The following DNAH6 variants were observed in gnomAD, a reference collection of about 807,000 sequenced individuals.
The protein encoded by DNAH6 is dynein axonemal heavy chain 6, also known as axonemal beta dynein heavy chain 6.
DNAH6 carries 340 observed loss-of-function variants against 491.4 expected under a neutral mutation model. The observed-to-expected ratio is 0.69, with a 90% CI of 0.63 to 0.76. DNAH6 has a LOEUF of 0.76. Ranked by LOEUF, DNAH6 falls within the 30% of genes least tolerant of loss-of-function variation. The pLI is 0.00. For missense variants in DNAH6, 4,443 were observed against 4,972.2 expected (o/e 0.89, Z 3.20); for synonymous variants, 1,603 against 1,686.1 (o/e 0.95, Z 1.21).
At chr2:84,485,609 G>C in the DNAH6 span, among the ~76,000 whole-genome samples, 1 of 152,078 alleles carries the variant, frequency 6.6e-6, no homozygotes, top group Non-Finnish European at 1.5e-5. Flanking sequence ...ACTACGTGCT[G>C]CTGTAAACAT....
chr2:84,706,972 C>G lies in DNAH6; in HGVS notation c.8804C>G (p.Ala2935Gly). Residue 2935 changes from alanine to glycine, a missense_variant, in exon 53 of 77, where the codon GCC becomes GGC. Coordinates refer to ENST00000389394, the MANE Select transcript of DNAH6 (RefSeq NM_001370.2). ...AGACAAGTAGAAGATCAAATACAGGCCTTACAAGATGAATATGACAAAGGT... is the reference window on the plus strand; with the variant it reads ...AGACAAGTAGAAGATCAAATACAGGGCTTACAAGATGAATATGACAAAGGT... ...LLRQVEDQIQ[A>G]LQDEYDKGVN... The G allele has an allele frequency of 6.5e-7, 1 of 1,538,902 alleles. No homozygotes were observed. The highest frequency in any genetic ancestry group is 8.7e-7 in the Non-Finnish European group (1 of 1,144,354).
At chr2:84,731,692 A>G (rs531654598) in intron 61 of DNAH6, among the ~76,000 whole-genome samples, 3 of 152,344 alleles carry the variant, frequency 2.0e-5, no homozygotes, top group East Asian at 3.9e-4. Flanking sequence ...GTCTAAAACA[A>G]TAAAGTTTGT....
chr2:84,467,171 CACAAAACTT>C, the DNAH6 span, among the ~76,000 whole-genome samples: 1 of 152,296 alleles, frequency 6.6e-6, no homozygotes, highest in East Asian at 1.9e-4. Context: ...ATTAATGTTT[CACAAAACTT>C]TTACAACTTG....
intron 76 of DNAH6, among the ~76,000 whole-genome samples, chr2:84,818,083 T>C (rs1397305112): frequency 6.6e-6 from 1 of 152,052 alleles, no homozygotes; most frequent in Non-Finnish European, 1.5e-5. Flanking sequence ...ACCAACAAAC[T>C]AACATTATCT....
At chr2:84,765,667 A>C (rs1675009661) in intron 64 of DNAH6, among the ~76,000 whole-genome samples, 1 of 152,108 alleles carries the variant, frequency 6.6e-6, no homozygotes, top group South Asian at 2.1e-4. Flanking sequence ...AGGAATAAAG[A>C]AAATCAAAAA....
the DNAH6 span, among the ~76,000 whole-genome samples, chr2:84,506,853 G>C: frequency 6.6e-6 from 1 of 151,932 alleles, no homozygotes; most frequent in Non-Finnish European, 1.5e-5. Context: ...TTTTTCTCAG[G>C]TTTGTCAAAG....
chr2:84,533,123 C>T (rs1184276615), intron 4 of DNAH6, among the ~76,000 whole-genome samples: 1 of 152,086 alleles, frequency 6.6e-6, no homozygotes, highest in African/African-American at 2.4e-5. Flanking sequence ...AGTGTCTGAG[C>T]ACTTAGCTGT....
the DNAH6 span, among the ~76,000 whole-genome samples, chr2:84,499,024 C>A: frequency 3.5e-4 from 20 of 56,562 alleles, no homozygotes; most frequent in African/African-American, 1.4e-3. Context: ...GTATCCATCC[C>A]CTCAAGCATT....
intron 2 of DNAH6, among the ~76,000 whole-genome samples, chr2:84,519,580 C>T (rs1408163638): frequency 1.3e-5 from 2 of 151,324 alleles, no homozygotes; most frequent in East Asian, 3.9e-4. Flanking sequence ...CAACTGCCTT[C>T]TCCTCTCCCT....
chr2:84,807,048 C>T (rs764353292), intron 71 of DNAH6, among the ~76,000 whole-genome samples: 1 of 152,192 alleles, frequency 6.6e-6, no homozygotes, highest in Non-Finnish European at 1.5e-5. Flanking sequence ...AGGGTTTTCT[C>T]TCCAGGCTTC....
intron 30 of DNAH6, among the ~76,000 whole-genome samples, chr2:84,635,371 G>A (rs1474650223): frequency 6.6e-6 from 1 of 152,098 alleles, no homozygotes; most frequent in African/African-American, 2.4e-5. Flanking sequence ...AAGGTAATAG[G>A]TGAAAAGAAT....
At chr2:84,613,778 A>G (rs965041889) in intron 22 of DNAH6, among the ~76,000 whole-genome samples, 7 of 152,066 alleles carry the variant, frequency 4.6e-5, no homozygotes, top group Admixed American at 3.3e-4. Flanking sequence ...AATATGTTTC[A>G]TATCAAATAT....
At position 84,605,557 on chromosome 2, in the gene DNAH6, G is replaced by A. The variant is rs1281678501; in HGVS notation, c.3139G>A (p.Asp1047Asn). ...FVILPHRDSK[D>N]VFILGGTDDI... is the part of the protein sequence containing the mutation. ...CATTCTGCCTCACCGTGACTCCAAAGATGTGTTTATACTGGGCGGCACAGA... is the reference window on the plus strand; with the variant it reads ...CATTCTGCCTCACCGTGACTCCAAAAATGTGTTTATACTGGGCGGCACAGA... The change falls in exon 20 of 77, where the codon GAT becomes AAT. Residue 1047 changes from aspartate to asparagine, a missense_variant. Coordinates refer to ENST00000389394, the MANE Select transcript of DNAH6 (RefSeq NM_001370.2). 6.4e-7 allele frequency: 1 copy of A among 1,551,526 alleles called. No individual in the cohort carries two copies. The highest frequency in any genetic ancestry group is 8.7e-7 in the Non-Finnish European group (1 of 1,146,948).
chr2:84,692,818 G>A (rs1451763703), intron 45 of DNAH6, among the ~76,000 whole-genome samples: 2 of 152,116 alleles, frequency 1.3e-5, no homozygotes, highest in Non-Finnish European at 2.9e-5. Flanking sequence ...GCCATAACAT[G>A]GTATTTTTCT....
chr2:84,681,450 A>C lies in DNAH6; in HGVS notation c.6838A>C (p.Met2280Leu), dbSNP rs973518484. Residue 2280 changes from methionine (M) to leucine (L), a missense_variant, in exon 42 of 77, where the codon ATG becomes CTG. Around this residue, in one of 3 missense-constraint regions of DNAH6, gnomAD observed 2,977 missense variants for 3,296.6 expected, o/e 0.90. Coordinates refer to ENST00000389394, the MANE Select transcript of DNAH6 (RefSeq NM_001370.2). ...VEASVEIYNK[M>L]SVDLLPTPAK... ...AGCCTCAGTTGAGATTTATAACAAA[A>C]TGAGTGTTGACCTCCTGCCAACACC... is the stretch of plus-strand genomic sequence containing the variant. 1 of 1,551,490 alleles carries C rather than the reference A, an allele frequency of 6.4e-7. No individual in the cohort carries two copies. Among genetic ancestry groups the C allele is most frequent in the Non-Finnish European group, 8.7e-7 (1 of 1,146,888 alleles).
At chr2:84,509,076 T>C in the DNAH6 span, among the ~76,000 whole-genome samples, 25 of 152,358 alleles carry the variant, frequency 1.6e-4, no homozygotes, top group African/African-American at 5.3e-4. Context: ...TGTAGATGTC[T>C]ATTAGGTCCA....
rs1456507335 is a variant in DNAH6 at position 84,784,719 on chromosome 2, C to A, written c.10865-3C>A. 5 of 1,537,308 alleles carry A rather than the reference C, an allele frequency of 3.3e-6. No homozygotes were observed. In the South Asian group the frequency reaches 3.6e-5, roughly 11 times the overall value. On this transcript the variant is annotated splice_region_variant and splice_polypyrimidine_tract_variant and intron_variant, in intron 65 of 76. Transcript: ENST00000389394. Reference sequence around the variant, plus strand: ...TTTGTTGTTTTATCTTTGTTTTAAGCAGATAGTGCTATCAAGGACACTTTT... The same window carrying A: ...TTTGTTGTTTTATCTTTGTTTTAAGAAGATAGTGCTATCAAGGACACTTTT...
chr2:84,671,742 A>G (rs1918698), intron 39 of DNAH6, among the ~76,000 whole-genome samples: 147,181 of 152,256 alleles, frequency 0.97, 71,185 homozygotes, highest in East Asian at 1. Flanking sequence ...CCCAACCACA[A>G]GGACATGGCT....
intron 29 of DNAH6, among the ~76,000 whole-genome samples, chr2:84,627,369 T>G (rs1441168999): frequency 6.6e-6 from 1 of 152,212 alleles, no homozygotes; most frequent in Non-Finnish European, 1.5e-5. Context: ...CATTCAAGTT[T>G]ATAAATATTC....
Sources: gnomAD v4.1 joint callset for allele counts (sites outside exome capture counted in the v4.1 genomes callset) on GRCh38, gnomAD v4.1.1 for gene constraint, gnomAD v4.1.1 regional missense constraint, MANE v1.5 for transcripts, NCBI Gene and HGNC (gene_info 2026-07-23, HGNC 2026-07-21) for gene names.